The following CLTC variants were observed in gnomAD, a reference collection of about 807,000 sequenced individuals.
The protein encoded by CLTC is clathrin heavy chain 1.
A neutral mutation model predicts 195.8 loss-of-function variants in CLTC; 16 were observed. That is an observed-to-expected ratio of 0.08 (90% CI 0.06 to 0.12). The LOEUF (loss-of-function observed/expected upper bound fraction) is 0.12. Among genes scored for constraint, CLTC ranks in the 10% least tolerant of loss-of-function variants. The pLI, the probability that CLTC is intolerant of heterozygous loss-of-function variation, is 1.00. For missense variants in CLTC, 796 were observed against 2,027.0 expected, an observed-to-expected ratio of 0.39 and a Z score of 11.66; for synonymous variants, 667 against 689.4, an observed-to-expected ratio of 0.97 and a Z score of 0.51.
intron 16 of CLTC, 77 bp downstream of exon 16, chr17:59,674,920 T>A: frequency 7.2e-7 from 1 of 1,389,772 alleles, no homozygotes; most frequent in Non-Finnish European, 1.0e-6. Context: ...AGTCATTTGT[T>A]CCAAAGCTAC....
intron 1 of CLTC, among the ~76,000 whole-genome samples, chr17:59,626,333 C>T (rs1005776443): frequency 2.6e-5 from 4 of 152,142 alleles, no homozygotes; most frequent in Non-Finnish European, 5.9e-5. Context: ...TGATTACACT[C>T]TGAAACTGCC....
chr17:59,640,402 CTTT>C (rs879240474), intron 1 of CLTC, among the ~76,000 whole-genome samples: 5 of 142,128 alleles, frequency 3.5e-5, no homozygotes, highest in South Asian at 2.3e-4. Context: ...ACTTGAAGTT[CTTT>C]TTTTTTTTTT....
At chr17:59,651,399 ATTTAAGTGATGCTTAAAAGAATACT>A in intron 5 of CLTC, 83 bp downstream of exon 5, 2 of 882,620 alleles carry the variant, frequency 2.3e-6, no homozygotes, top group Non-Finnish European at 3.7e-6. Flanking sequence ...GGTAGATATA[ATTTAAGTGATGCTTAAAAGAATACT>A]TTTTTAAAGT....
chr17:59,655,828 C>T, intron 5 of CLTC, 26 bp from the exon 6 acceptor site: 1 of 1,493,714 alleles, frequency 6.7e-7, no homozygotes, highest in Non-Finnish European at 8.9e-7. Context: ...CATTATTTTA[C>T]TAAAGTGTTG....
At position 59,620,281 on chromosome 17, in the gene CLTC, T is replaced by TGTCGGTG. The variant is rs2031326317; in HGVS notation, c.42+109_42+115dup. ...ATCGGAGCTGGAGGGGCGGGGGGGT[T>TGTCGGTG]GTCGGTGATTGGGGTAGGTGGAGGA... On this transcript the variant is annotated intron_variant, in intron 1 of 31. Coordinates refer to ENST00000269122, the MANE Select transcript of CLTC (RefSeq NM_004859.4). 4.8e-6 allele frequency: 5 copies of TGTCGGTG among 1,048,502 alleles called. No homozygotes were observed. In the East Asian group the frequency reaches 1.2e-4, roughly 26 times the overall value. The allele number at this position is 1,048,502 out of a possible 1,614,324, so 64.9% of individuals were successfully genotyped here.
chr17:59,684,989 AT>A, intron 28 of CLTC, 66 bp from the exon 29 acceptor site: 13 of 1,300,902 alleles, frequency 1.0e-5, no homozygotes, highest in Non-Finnish European at 1.2e-5. Context: ...GGGCTCATTG[AT>A]TGAGAACGGA....
At chr17:59,664,714 A>G (rs549407301) in intron 9 of CLTC, 73 bp from the exon 10 acceptor site, 1 of 1,512,126 alleles carries the variant, frequency 6.6e-7, no homozygotes, top group Non-Finnish European at 9.0e-7. Context: ...GTGAGATTTT[A>G]TAGTAGAAAA....
Position 59,666,354 on chromosome 17 carries a change from T to G in CLTC, c.1782+114T>G. The G allele has an allele frequency of 1.3e-6, 2 of 1,482,444 alleles. No homozygotes were observed. The highest frequency in any genetic ancestry group is 1.8e-6 in the Non-Finnish European group (2 of 1,089,004). The allele number at this position is 1,482,444 out of a possible 1,614,324, so 91.8% of individuals were successfully genotyped here. On this transcript the variant is annotated intron_variant, in intron 11 of 31. Transcript: ENST00000269122. This position sits in a 1 kb window ranked among gnomAD's most constrained non-coding sequence, Gnocchi z 4.9. ...GGGGCCTACTCCTTATTAAAGAAAA[T>G]GTAGCTATTATAATATTCTTTTGTA... is the stretch of plus-strand genomic sequence containing the variant.
chr17:59,680,213 A>G (rs147907062), intron 18 of CLTC, among the ~76,000 whole-genome samples: 2 of 152,176 alleles, frequency 1.3e-5, no homozygotes, highest in Non-Finnish European at 2.9e-5. Context: ...ACTTCAAGAT[A>G]ATAAGTCAGA....
chr17:59,676,383 T>C (rs1039684585), intron 16 of CLTC, among the ~76,000 whole-genome samples: 8 of 152,194 alleles, frequency 5.3e-5, no homozygotes, highest in East Asian at 1.9e-4. Flanking sequence ...TGTATGTTAA[T>C]TGTGTTAAAG....
chr17:59,659,552 G>A (rs2032559432), intron 6 of CLTC, among the ~76,000 whole-genome samples: 1 of 151,348 alleles, frequency 6.6e-6, no homozygotes, highest in Admixed American at 6.6e-5. Flanking sequence ...CTGGGTTCAA[G>A]CGATTCTCCT....
Position 59,696,543 on chromosome 17 carries a change from A to G in CLTC, c.*2691A>G, listed in dbSNP as rs897801539. 2.8e-5 allele frequency: 6 copies of G among 211,820 alleles called. No homozygotes were observed. The highest frequency in any genetic ancestry group is 9.6e-6 in the Non-Finnish European group (1 of 104,640). 13.1% of individuals were successfully genotyped at this position (211,820 alleles called of 1,614,324 possible). A position where few individuals can be genotyped will look rare whatever the true frequency, so the allele number is the denominator to read the frequency against. ...GAAGGCTTAAATAGTTTCTAACAAG[A>G]TGACTATCAGGAAGCTATGTGGCTT... On this transcript the variant is annotated 3_prime_UTR_variant, in exon 32 of 32. Transcript: ENST00000269122.
chr17:59,656,835 G>A (rs190398669), intron 6 of CLTC, among the ~76,000 whole-genome samples: 9 of 151,690 alleles, frequency 5.9e-5, no homozygotes, highest in Non-Finnish European at 1.0e-4. Context: ...CACTGCACCC[G>A]GCTAATTTCT....
At chr17:59,650,925 T>C (rs2032313088) in intron 4 of CLTC, among the ~76,000 whole-genome samples, 1 of 152,184 alleles carries the variant, frequency 6.6e-6, no homozygotes, top group African/African-American at 2.4e-5. Flanking sequence ...TTATTCTCCA[T>C]CTCTATAATT....
rs763102228 is a variant in CLTC at position 59,693,834 on chromosome 17, C to T, written c.5010C>T (p.Gly1670=). The change falls in exon 32 of 32, where the codon GGC becomes GGT. Residue 1670 remains glycine, a synonymous_variant. Coordinates refer to ENST00000269122, the MANE Select transcript of CLTC (RefSeq NM_004859.4). ...TAPPYGQPQP[G]FGYSM is the part of the protein sequence containing the mutation. ...CACCGTATGGACAGCCACAGCCTGGCTTTGGGTACAGCATGTGAGATGAAG... is the reference window on the plus strand; with the variant it reads ...CACCGTATGGACAGCCACAGCCTGGTTTTGGGTACAGCATGTGAGATGAAG... 1.9e-6 allele frequency: 3 copies of T among 1,612,128 alleles called. No homozygotes were observed. The highest frequency in any genetic ancestry group is 1.7e-6 in the Non-Finnish European group (2 of 1,179,104).
rs937052669 is a variant in CLTC, at chr17:59,647,339, A to G, written c.251-59A>G. ...TGGAAGTGACAGAGCTAGTCTAGGTAGGTATTCATTCTAAACTTTACTCTT... is the reference window on the plus strand; with the variant it reads ...TGGAAGTGACAGAGCTAGTCTAGGTGGGTATTCATTCTAAACTTTACTCTT... On this transcript the variant is annotated intron_variant, in intron 2 of 31. Transcript: ENST00000269122. 1.1e-5 allele frequency: 14 copies of G among 1,319,078 alleles called. No individual in the cohort carries two copies. In the South Asian group the frequency reaches 1.2e-4, roughly 11 times the overall value. 81.7% of individuals were successfully genotyped at this position (1,319,078 alleles called of 1,614,324 possible).
intron 1 of CLTC, among the ~76,000 whole-genome samples, chr17:59,628,836 A>G (rs1276331333): frequency 2.0e-5 from 3 of 151,872 alleles, no homozygotes; most frequent in East Asian, 3.9e-4. Flanking sequence ...TTTTTTTTGT[A>G]TTTTTAGTAG....
At chr17:59,640,979 C>T (rs550052676) in intron 1 of CLTC, among the ~76,000 whole-genome samples, 142 of 151,560 alleles carry the variant, frequency 9.4e-4, no homozygotes, top group African/African-American at 3.3e-3. Context: ...ATTAGCTGGA[C>T]GTGGTGGTGC....
At chr17:59,632,618 A>G (rs1057497244) in intron 1 of CLTC, among the ~76,000 whole-genome samples, 1 of 152,110 alleles carries the variant, frequency 6.6e-6, no homozygotes, top group Non-Finnish European at 1.5e-5. Context: ...ATGCCAGCCT[A>G]TGCGACAGAG....
Sources: allele counts gnomAD v4.1 joint callset (sites outside exome capture counted in the v4.1 genomes callset), GRCh38; gene constraint gnomAD v4.1.1; non-coding constraint Gnocchi (gnomAD v3.1); transcripts MANE v1.5; gene names NCBI Gene and HGNC (gene_info 2026-07-23, HGNC 2026-07-21).